JAK1: variants seen among roughly 807,000 people sequenced by gnomAD.
The protein encoded by JAK1 is tyrosine-protein kinase JAK1.
In JAK1, 16 loss-of-function variants were observed where a neutral mutation model predicts 136.6. The ratio of observed to expected loss-of-function variants is 0.12; its 90% CI spans 0.08 to 0.18. The LOEUF is 0.18. JAK1 is among the 10% of genes least tolerant of loss of function. The pLI is 1.00. For synonymous variants in JAK1, 492 were observed against 519.5 expected (o/e 0.95, Z 0.72); for missense variants, 859 against 1,450.1 (o/e 0.59, Z 6.62).
intron 1 of JAK1, among the ~76,000 whole-genome samples, chr1:65,065,246 G>A (rs531711842): frequency 3.5e-4 from 54 of 152,318 alleles, no homozygotes; most frequent in African/African-American, 1.3e-3. Context: ...CAACTCTGGG[G>A]ATGCTCAAAT....
intron 2 of JAK1, chr1:64,985,467 C>G: frequency 6.2e-7 from 1 of 1,605,052 alleles, no homozygotes; most frequent in Non-Finnish European, 8.5e-7. Flanking sequence ...GAGCAAGAAT[C>G]TGGGACTTTC....
chr1:64,887,713 G>A (rs1051989016), intron 1 of JAK1, among the ~76,000 whole-genome samples: 3 of 152,202 alleles, frequency 2.0e-5, no homozygotes, highest in African/African-American at 7.2e-5. Flanking sequence ...GGCTCAGGAG[G>A]GAAGGGACAT....
At chr1:65,017,697 A>T (rs1419916732) in intron 2 of JAK1, among the ~76,000 whole-genome samples, 1 of 152,230 alleles carries the variant, frequency 6.6e-6, no homozygotes, top group Non-Finnish European at 1.5e-5. Flanking sequence ...TCTAACTATA[A>T]ATCAATAATA....
intron 2 of JAK1, among the ~76,000 whole-genome samples, chr1:64,981,389 C>T (rs184189283): frequency 5.9e-5 from 9 of 152,272 alleles, no homozygotes; most frequent in Admixed American, 2.0e-4. Context: ...AGTTCCAGTA[C>T]GGCAGGCTTT....
At chr1:64,939,217 C>G (rs747772184) in intron 1 of JAK1, among the ~76,000 whole-genome samples, 6 of 152,220 alleles carry the variant, frequency 3.9e-5, no homozygotes, top group Non-Finnish European at 5.9e-5. Context: ...CTAGATTCAA[C>G]GAAATGGGGA....
chr1:65,028,665 G>A (rs1205464671), intron 2 of JAK1, among the ~76,000 whole-genome samples: 1 of 152,100 alleles, frequency 6.6e-6, no homozygotes, highest in Non-Finnish European at 1.5e-5. Flanking sequence ...ACTAAAAATT[G>A]GAACTTTAAG....
intron 17 of JAK1, among the ~76,000 whole-genome samples, chr1:64,842,935 T>C (rs938263823): frequency 6.6e-6 from 1 of 152,120 alleles, no homozygotes; most frequent in African/African-American, 2.4e-5. Flanking sequence ...GGACTTCCGC[T>C]GCCATTTCCG....
intron 1 of JAK1, among the ~76,000 whole-genome samples, chr1:64,905,106 T>C (rs534661663): frequency 6.3e-4 from 96 of 152,258 alleles, no homozygotes; most frequent in Admixed American, 1.0e-3. Flanking sequence ...GGCCTTCTTG[T>C]TTTTTCCCCT....
At chr1:65,052,776 T>TGCACTCCAGCCTGGGCG (rs1409203778) in intron 1 of JAK1, among the ~76,000 whole-genome samples, 20 of 147,360 alleles carry the variant, frequency 1.4e-4, no homozygotes, top group African/African-American at 4.8e-4. Flanking sequence ...ATCGCGCCAC[T>TGCACTCCAGCCTGGGCG]GCACTCCAGC....
chr1:64,887,736 C>A (rs1644872973), intron 1 of JAK1, among the ~76,000 whole-genome samples: 1 of 152,156 alleles, frequency 6.6e-6, no homozygotes, highest in South Asian at 2.1e-4. Context: ...AGTTAAGATG[C>A]AATGGATGTC....
intron 1 of JAK1, among the ~76,000 whole-genome samples, chr1:64,897,937 A>C: frequency 6.6e-6 from 1 of 152,172 alleles, no homozygotes; most frequent in African/African-American, 2.4e-5. Flanking sequence ...TGATGGATAT[A>C]TAGGCACTGT....
At chr1:64,839,199 T>C (rs181449829) in intron 20 of JAK1, among the ~76,000 whole-genome samples, 1 of 148,348 alleles carries the variant, frequency 6.7e-6, no homozygotes, top group Admixed American at 6.7e-5. Flanking sequence ...TTCACTACCA[T>C]GAGTAGATGC....
intron 1 of JAK1, among the ~76,000 whole-genome samples, chr1:65,050,285 C>G (rs1209623963): frequency 1.3e-5 from 2 of 152,178 alleles, no homozygotes; most frequent in African/African-American, 4.8e-5. Flanking sequence ...TATGCACCCG[C>G]AACACACGTG....
At chr1:64,954,209 C>A (rs543680014) in intron 1 of JAK1, among the ~76,000 whole-genome samples, 1 of 152,166 alleles carries the variant, frequency 6.6e-6, no homozygotes, top group South Asian at 2.1e-4. Flanking sequence ...GTTTTCAATG[C>A]CAGAGAGCCT....
chr1:64,868,510 G>A (rs1318703916), intron 6 of JAK1, among the ~76,000 whole-genome samples: 2 of 152,174 alleles, frequency 1.3e-5, no homozygotes, highest in African/African-American at 2.4e-5. Context: ...AGTACCCAAA[G>A]TGAAGGCCAC....
chr1:64,943,354 A>G (rs1465911557), intron 1 of JAK1, among the ~76,000 whole-genome samples: 3 of 152,200 alleles, frequency 2.0e-5, no homozygotes, highest in African/African-American at 2.4e-5. Context: ...ACTGGCATCA[A>G]CTGCCTGAAA....
intron 1 of JAK1, among the ~76,000 whole-genome samples, chr1:64,907,496 T>C (rs1645209787): frequency 6.6e-6 from 1 of 152,096 alleles, no homozygotes. Context: ...TAAGATATGT[T>C]TGGACACACA....
rs1327209711 is a variant in JAK1, at chr1:65,024,412, A to G, written c.-78+20068T>C. Among the ~76,000 whole-genome samples, 3 of 152,078 alleles carry G rather than the reference A, an allele frequency of 2.0e-5. No homozygotes were observed. In the East Asian group the frequency reaches 5.8e-4, roughly 29 times the overall value. ...CTACTTGTACACCTTCTTTGGGGAA[A>G]TGTCTATTCATAACATTTGCTCATT... On this transcript the variant is annotated intron_variant, in intron 2 of 25. Coordinates refer to the JAK1 transcript ENST00000671954.
chr1:64,850,731 C>T (rs1452064869), intron 12 of JAK1, 73 bp downstream of exon 12: 2 of 997,076 alleles, frequency 2.0e-6, no homozygotes, highest in Non-Finnish European at 3.2e-6. Context: ...CCTTCCTTCC[C>T]CCAGATCCCC....
Sources: gnomAD v4.1 joint callset for allele counts (sites outside exome capture counted in the v4.1 genomes callset) on GRCh38, gnomAD v4.1.1 for gene constraint, MANE v1.5 for transcripts, NCBI Gene and HGNC (gene_info 2026-07-23, HGNC 2026-07-21) for gene names.